The following ADGRB3 variants were observed in gnomAD, a reference collection of about 807,000 sequenced individuals.
ADGRB3 encodes brain-specific angiogenesis inhibitor 3.
ADGRB3 carries 37 observed loss-of-function variants against 193.4 expected under a neutral mutation model. The observed-to-expected ratio is 0.19, with a 90% CI of 0.15 to 0.25. The LOEUF (loss-of-function observed/expected upper bound fraction) is 0.25, where lower values mean the gene tolerates loss of function less well. ADGRB3 is among the 10% of genes least tolerant of loss of function. ADGRB3 has a pLI of 1.00. For synonymous variants in ADGRB3, 690 were observed against 644.2 expected (o/e 1.07, Z -1.08); for missense variants, 1,637 against 1,852.9 (o/e 0.88, Z 2.14).
intron 3 of ADGRB3, among the ~76,000 whole-genome samples, chr6:68,715,176 A>G (rs1426176769): frequency 9.2e-5 from 14 of 151,788 alleles, no homozygotes; most frequent in Non-Finnish European, 5.9e-5. Context: ...ATTAATAACC[A>G]TTATGGTTCT....
chr6:68,944,114 T>G (rs1412882042), intron 6 of ADGRB3, 120 bp downstream of exon 6: 5 of 1,108,916 alleles, frequency 4.5e-6, no homozygotes, highest in Non-Finnish European at 5.0e-6. Flanking sequence ...TGTGTCCTTT[T>G]CATTGTATCT....
intron 31 of ADGRB3, among the ~76,000 whole-genome samples, chr6:69,385,109 A>G (rs1214113521): frequency 6.6e-6 from 1 of 151,940 alleles, no homozygotes; most frequent in Non-Finnish European, 1.5e-5. Context: ...GAAAACATTT[A>G]AATCACACTA....
chr6:69,129,339 T>G (rs1773941096), intron 17 of ADGRB3, among the ~76,000 whole-genome samples: 1 of 151,586 alleles, frequency 6.6e-6, no homozygotes, highest in African/African-American at 2.4e-5. Context: ...ATGATGCACA[T>G]GAAATAAAAA....
chr6:69,034,061 A>G (rs574174608), intron 13 of ADGRB3, among the ~76,000 whole-genome samples: 1 of 152,204 alleles, frequency 6.6e-6, no homozygotes, highest in South Asian at 2.1e-4. Context: ...GTGGGAATAC[A>G]TAATTGAGAC....
At chr6:69,336,991 A>T (rs981752705) in intron 24 of ADGRB3, among the ~76,000 whole-genome samples, 1 of 152,148 alleles carries the variant, frequency 6.6e-6, no homozygotes, top group Non-Finnish European at 1.5e-5. Context: ...TGACTAAGGG[A>T]AGTAGGCATA....
chr6:69,143,838 C>T (rs9363987), intron 17 of ADGRB3, among the ~76,000 whole-genome samples: 116,188 of 152,058 alleles, frequency 0.76, 45,849 homozygotes, highest in East Asian at 1. Flanking sequence ...TTTATTCTTT[C>T]TGCTCAGGAC....
chr6:68,699,750 G>T (rs957954145), intron 3 of ADGRB3, among the ~76,000 whole-genome samples: 1 of 151,314 alleles, frequency 6.6e-6, no homozygotes, highest in Non-Finnish European at 1.5e-5. Flanking sequence ...ACCAATTAGT[G>T]TGCTGGAGCA....
intron 16 of ADGRB3, 36 bp downstream of exon 16, chr6:69,063,072 G>T (rs778206384): frequency 6.8e-7 from 1 of 1,464,318 alleles, no homozygotes. Context: ...CTTGCTTATG[G>T]AATTACCTTT....
intron 3 of ADGRB3, among the ~76,000 whole-genome samples, chr6:68,832,358 T>C (rs1379660487): frequency 1.3e-5 from 2 of 151,876 alleles, no homozygotes; most frequent in Non-Finnish European, 2.9e-5. Context: ...ACACTTATCA[T>C]TTTTTTCTTT....
intron 3 of ADGRB3, among the ~76,000 whole-genome samples, chr6:68,803,750 G>T (rs1043633503): frequency 1.3e-5 from 2 of 152,068 alleles, no homozygotes; most frequent in African/African-American, 2.4e-5. Flanking sequence ...CAAATCTGTG[G>T]GTTCGTCAGT....
chr6:69,109,085 C>T (rs939294802), intron 17 of ADGRB3, among the ~76,000 whole-genome samples: 6 of 152,152 alleles, frequency 3.9e-5, no homozygotes, highest in Admixed American at 3.9e-4. Flanking sequence ...AAGAGGGTTA[C>T]AGTATCTGAT....
At chr6:69,382,724 CT>C (rs1769975266) in intron 30 of ADGRB3, 106 bp from the exon 31 acceptor site, 1 of 690,668 alleles carries the variant, frequency 1.4e-6, no homozygotes, top group African/African-American at 1.9e-5. Context: ...CTCCTGGTTC[CT>C]GCCAAACTTG....
chr6:69,254,013 T>G (rs1766689545), intron 20 of ADGRB3, among the ~76,000 whole-genome samples: 1 of 152,116 alleles, frequency 6.6e-6, no homozygotes, highest in Non-Finnish European at 1.5e-5. Context: ...AGAAGCTTGG[T>G]GGCACACTTT....
intron 27 of ADGRB3, 99 bp downstream of exon 27, chr6:69,354,427 ATTGACT>A: frequency 9.7e-7 from 1 of 1,032,506 alleles, no homozygotes; most frequent in Admixed American, 1.9e-5. Flanking sequence ...TTTCATTTTG[ATTGACT>A]TTGGCTTCAG....
intron 3 of ADGRB3, among the ~76,000 whole-genome samples, chr6:68,855,303 A>G (rs1014587651): frequency 1.3e-5 from 2 of 152,162 alleles, no homozygotes; most frequent in South Asian, 2.1e-4. Flanking sequence ...GCCTCAAGTT[A>G]TAGTGTCTTC....
intron 3 of ADGRB3, among the ~76,000 whole-genome samples, chr6:68,925,197 T>C (rs1767147133): frequency 6.6e-6 from 1 of 151,942 alleles, no homozygotes; most frequent in Non-Finnish European, 1.5e-5. Context: ...TTAAATCTGA[T>C]AACATTTTTA....
chr6:68,662,044 G>A (rs774820653), intron 3 of ADGRB3, among the ~76,000 whole-genome samples: 3 of 151,512 alleles, frequency 2.0e-5, no homozygotes, highest in African/African-American at 4.8e-5. Flanking sequence ...ATTGGCACAA[G>A]TCAGGAATTT....
At chr6:69,257,155 T>C (rs1167295182) in intron 20 of ADGRB3, among the ~76,000 whole-genome samples, 1 of 152,250 alleles carries the variant, frequency 6.6e-6, no homozygotes, top group Non-Finnish European at 1.5e-5. Context: ...GATATTGGTC[T>C]AAAATGCTCT....
At chr6:69,260,372 G>A (rs1481634366) in intron 20 of ADGRB3, among the ~76,000 whole-genome samples, 1 of 152,136 alleles carries the variant, frequency 6.6e-6, no homozygotes, top group Non-Finnish European at 1.5e-5. Context: ...TGCTGTAAGT[G>A]TATTTACATT....
Sources: allele counts gnomAD v4.1 joint callset (sites outside exome capture counted in the v4.1 genomes callset), GRCh38; gene constraint gnomAD v4.1.1; transcripts MANE v1.5; gene names NCBI Gene and HGNC (gene_info 2026-07-23, HGNC 2026-07-21).